The following RBM26 variants were observed in gnomAD, a reference collection of about 807,000 sequenced individuals.
RBM26 encodes RNA binding motif protein 26.
A neutral mutation model predicts 123.6 loss-of-function variants in RBM26; 30 were observed. The observed-to-expected ratio is 0.24, with a 90% CI of 0.18 to 0.33. The LOEUF (loss-of-function observed/expected upper bound fraction) is 0.33. RBM26 is among the 10% of genes least tolerant of loss of function. The probability of loss-of-function intolerance (pLI) is 1.00; values close to 1 mark genes in which losing one functional copy is unlikely to be tolerated. For synonymous variants in RBM26, 400 were observed against 404.4 expected (o/e 0.99, Z 0.13); for missense variants, 947 against 1,203.6 (o/e 0.79, Z 3.15).
At chr13:79,379,865 T>A (rs1053181543) in intron 1 of RBM26, among the ~76,000 whole-genome samples, 1 of 151,406 alleles carries the variant, frequency 6.6e-6, no homozygotes, top group Non-Finnish European at 1.5e-5. Flanking sequence ...ATAAAATAAA[T>A]AAAAATGACT....
chr13:79,337,095 A>G lies in RBM26; in HGVS notation c.2733+7T>C, dbSNP rs2070546440. 1.2e-6 allele frequency: 2 copies of G among 1,611,994 alleles called. No individual in the cohort carries two copies. Among genetic ancestry groups the G allele is most frequent in the Non-Finnish European group, 1.7e-6 (2 of 1,178,514 alleles). On this transcript the variant is annotated splice_region_variant and intron_variant, in intron 19 of 21. Transcript: ENST00000438737. Reference sequence around the variant, plus strand: ...AGCATTTGTTTTGTTGAGCAGTAAGAAAGTACCGCAAAATGAGGAAGAAGA... The same window carrying G: ...AGCATTTGTTTTGTTGAGCAGTAAGGAAGTACCGCAAAATGAGGAAGAAGA...
intron 2 of RBM26, among the ~76,000 whole-genome samples, 163 bp from the exon 3 acceptor site, chr13:79,377,678 G>C (rs1469876324): frequency 6.6e-6 from 1 of 152,136 alleles, no homozygotes; most frequent in Non-Finnish European, 1.5e-5. Flanking sequence ...TGTAATCCCA[G>C]CACTTTGGGA....
At chr13:79,402,517 C>A (rs577015806) in intron 1 of RBM26, among the ~76,000 whole-genome samples, 1 of 150,546 alleles carries the variant, frequency 6.6e-6, no homozygotes, top group South Asian at 2.1e-4. Context: ...CCTTCAATAA[C>A]ATCCAAAGTC....
At chr13:79,401,452 CTG>C (rs1426447530) in intron 1 of RBM26, among the ~76,000 whole-genome samples, 2 of 152,178 alleles carry the variant, frequency 1.3e-5, no homozygotes, top group Non-Finnish European at 2.9e-5. Context: ...GTTTAAATCA[CTG>C]TGGGCAAATA....
intron 11 of RBM26, among the ~76,000 whole-genome samples, chr13:79,357,925 C>T (rs2074224552): frequency 6.8e-6 from 1 of 147,044 alleles, no homozygotes; most frequent in Non-Finnish European, 1.5e-5. Context: ...TCTTGTCACC[C>T]AGGCTGGAGT....
chr13:79,349,099 G>A (rs904990708), intron 14 of RBM26, among the ~76,000 whole-genome samples: 1 of 152,134 alleles, frequency 6.6e-6, no homozygotes, highest in Non-Finnish European at 1.5e-5. Context: ...GTTGATGACT[G>A]TCTGTGTATT....
At chr13:79,323,346 G>T (rs1158210209) in intron 20 of RBM26, among the ~76,000 whole-genome samples, 2 of 151,514 alleles carry the variant, frequency 1.3e-5, no homozygotes, top group African/African-American at 4.8e-5. Context: ...CATAAGTTGT[G>T]TGGTATTAAA....
chr13:79,385,090 G>A (rs1369689580), intron 1 of RBM26, among the ~76,000 whole-genome samples: 1 of 152,096 alleles, frequency 6.6e-6, no homozygotes, highest in Non-Finnish European at 1.5e-5. Flanking sequence ...ACCCACGTCT[G>A]TTCTTTCCAA....
At chr13:79,401,572 C>G (rs2079055439) in intron 1 of RBM26, among the ~76,000 whole-genome samples, 1 of 152,170 alleles carries the variant, frequency 6.6e-6, no homozygotes, top group Non-Finnish European at 1.5e-5. Flanking sequence ...AACAACAATG[C>G]ATACAGTTTA....
chr13:79,366,034 T>C (rs537916326), intron 8 of RBM26, 21 bp downstream of exon 8: 9 of 1,609,510 alleles, frequency 5.6e-6, no homozygotes, highest in Middle Eastern at 1.7e-4. Context: ...ATTACGAATA[T>C]AAAAAGGGCC....
chr13:79,337,993 A>G (rs2070730152), intron 18 of RBM26, among the ~76,000 whole-genome samples: 1 of 152,158 alleles, frequency 6.6e-6, no homozygotes, highest in Non-Finnish European at 1.5e-5. Flanking sequence ...CGAGGCAGGC[A>G]GATCAACTGA....
At chr13:79,314,948 T>A, downstream of RBM26, 1 of 1,292,404 alleles carries the variant, frequency 7.7e-7, no homozygotes, top group Non-Finnish European at 1.0e-6. Context: ...CTGGTCTTGC[T>A]CTTGCAGTCA....
chr13:79,317,461 C>G (rs1187970612), downstream of RBM26, among the ~76,000 whole-genome samples: 1 of 151,584 alleles, frequency 6.6e-6, no homozygotes, highest in East Asian at 1.9e-4. Context: ...AGGCAAGAGA[C>G]TTGTCTAAGG....
chr13:79,395,274 A>G (rs768119373), intron 1 of RBM26, among the ~76,000 whole-genome samples: 2 of 152,216 alleles, frequency 1.3e-5, no homozygotes, highest in Non-Finnish European at 2.9e-5. Flanking sequence ...CACAATAATG[A>G]TAAAAATGCT....
chr13:79,317,462 T>C (rs2067259222), downstream of RBM26, among the ~76,000 whole-genome samples: 1 of 151,604 alleles, frequency 6.6e-6, no homozygotes. Flanking sequence ...GGCAAGAGAC[T>C]TGTCTAAGGC....
intron 18 of RBM26, among the ~76,000 whole-genome samples, chr13:79,337,676 AT>A (rs2070670497): frequency 6.6e-6 from 1 of 152,108 alleles, no homozygotes; most frequent in African/African-American, 2.4e-5. Context: ...CAATAAATAC[AT>A]TTTTTCCAGT....
chr13:79,396,082 A>G (rs1202879748), intron 1 of RBM26, among the ~76,000 whole-genome samples: 1 of 152,210 alleles, frequency 6.6e-6, no homozygotes, highest in Non-Finnish European at 1.5e-5. Flanking sequence ...TCTTAAAGGT[A>G]GTCAAAGGGG....
At chr13:79,389,375 T>C (rs1237944505) in intron 1 of RBM26, among the ~76,000 whole-genome samples, 1 of 151,778 alleles carries the variant, frequency 6.6e-6, no homozygotes, top group Non-Finnish European at 1.5e-5. Context: ...AACATACACA[T>C]AGAGGAAGAT....
intron 1 of RBM26, among the ~76,000 whole-genome samples, chr13:79,383,679 G>A (rs1038690973): frequency 1.3e-5 from 2 of 151,746 alleles, no homozygotes; most frequent in Non-Finnish European, 2.9e-5. Flanking sequence ...GGGGGTGGGG[G>A]GAACCAATAT....
Sources: gnomAD v4.1 joint callset for allele counts (sites outside exome capture counted in the v4.1 genomes callset) on GRCh38, gnomAD v4.1.1 for gene constraint, MANE v1.5 for transcripts, NCBI Gene and HGNC (gene_info 2026-07-23, HGNC 2026-07-21) for gene names.